The following LAMA2 variants were observed in gnomAD, a reference collection of about 807,000 sequenced individuals.
LAMA2 encodes the protein laminin subunit alpha-2.
A neutral mutation model predicts 364.8 loss-of-function variants in LAMA2; 269 were observed. That is an observed-to-expected ratio of 0.74 (90% CI 0.67 to 0.82). LAMA2 has a LOEUF of 0.82. Among genes scored for constraint, LAMA2 ranks in the 40% least tolerant of loss-of-function variants. The pLI, the probability that LAMA2 is intolerant of heterozygous loss-of-function variation, is 0.00. For synonymous variants in LAMA2, 1,379 were observed against 1,370.6 expected (o/e 1.01, Z -0.14); for missense variants, 3,807 against 3,873.2 (o/e 0.98, Z 0.45).
intron 1 of LAMA2, among the ~76,000 whole-genome samples, chr6:128,990,721 A>G (rs1053784506): frequency 6.6e-6 from 1 of 152,096 alleles, no homozygotes; most frequent in Non-Finnish European, 1.5e-5. Context: ...TTTATTGTTT[A>G]TTAAAAAGCT....
chr6:129,260,588 C>A (rs1562389091), intron 14 of LAMA2, 123 bp from the exon 15 acceptor site: 1 of 755,006 alleles, frequency 1.3e-6, no homozygotes, highest in Non-Finnish European at 2.4e-6. Flanking sequence ...TGGTATTCAT[C>A]AGCTTCCTTT....
chr6:129,394,005 T>C (rs527968930), intron 37 of LAMA2, among the ~76,000 whole-genome samples: 1 of 152,358 alleles, frequency 6.6e-6, no homozygotes, highest in East Asian at 1.9e-4. Flanking sequence ...TTTTAAGAGT[T>C]CTGATGGAAC....
chr6:129,290,253 G>C (rs1789601516), intron 19 of LAMA2, among the ~76,000 whole-genome samples: 1 of 152,040 alleles, frequency 6.6e-6, no homozygotes, highest in Admixed American at 6.6e-5. Context: ...ATATGCATAA[G>C]AAACTTTCAT....
At position 129,456,413 on chromosome 6, in the gene LAMA2, G is replaced by A. The variant is rs398123382; in HGVS notation, c.6786G>A (p.Ser2262=). The stretch of plus-strand genomic sequence containing the variant: ...GCATTGTGCCCAGCACACACCATTC[G>A]ACGTCTCCTCCAGGGTACACGATTC... The part of the protein sequence containing the change: ...KASIVPSTHH[S]TSPPGYTILD... Residue 2262 remains serine, a synonymous_variant, in exon 48 of 65, where the codon TCG becomes TCA. Transcript: ENST00000421865. 32 of 1,613,342 alleles carry A rather than the reference G, an allele frequency of 2.0e-5. No individual in the cohort carries two copies. Among genetic ancestry groups the A allele is most frequent in the Non-Finnish European group, 2.1e-5 (25 of 1,179,540 alleles).
intron 12 of LAMA2, among the ~76,000 whole-genome samples, chr6:129,210,894 T>G (rs962694949): frequency 1.3e-5 from 2 of 152,038 alleles, no homozygotes; most frequent in African/African-American, 4.8e-5. Flanking sequence ...TTCATTTTAG[T>G]TCAAGCAGAA....
intron 55 of LAMA2, 73 bp from the exon 56 acceptor site, chr6:129,486,401 T>C: frequency 1.4e-6 from 2 of 1,464,678 alleles, no homozygotes; most frequent in Non-Finnish European, 1.9e-6. Flanking sequence ...CCTGTGGTTC[T>C]GCCAGGGAAT....
Position 129,464,293 on chromosome 6 carries a change from T to A in LAMA2, c.6996T>A (p.Pro2332=), listed in dbSNP as rs765257252. 3 of 1,611,374 alleles carry A rather than the reference T, an allele frequency of 1.9e-6. No individual in the cohort carries two copies. Among genetic ancestry groups the A allele is most frequent in the Non-Finnish European group, 2.5e-6 (3 of 1,178,054 alleles). The change falls in exon 50 of 65, where the codon CCT becomes CCA. Residue 2332 remains proline (P), a synonymous_variant. Transcript: ENST00000421865. ...EGDCKGCTVS[P]QVEDSEGTIQ... ...TGTGAAATGTCTCTCTTCTCAGTCC[T>A]CAGGTGGAAGATAGTGAGGGGACTA...
chr6:129,110,241 G>A (rs1434124971), intron 4 of LAMA2, among the ~76,000 whole-genome samples: 1 of 151,938 alleles, frequency 6.6e-6, no homozygotes, highest in Non-Finnish European at 1.5e-5. Flanking sequence ...AAACTGTGAA[G>A]CAGGAACAAT....
intron 3 of LAMA2, among the ~76,000 whole-genome samples, chr6:129,081,382 TA>T (rs1482149623): frequency 6.6e-6 from 1 of 152,174 alleles, no homozygotes; most frequent in Non-Finnish European, 1.5e-5. Flanking sequence ...TCCTATAACT[TA>T]AAGCATAATA....
At chr6:129,337,647 T>TCACC (rs1193990707) in intron 29 of LAMA2, among the ~76,000 whole-genome samples, 1 of 152,132 alleles carries the variant, frequency 6.6e-6, no homozygotes, top group Non-Finnish European at 1.5e-5. Flanking sequence ...AAGTAATTTC[T>TCACC]CACCTTAGGC....
At chr6:129,149,467 GCCCTAA>G (rs1383200812) in intron 7 of LAMA2, among the ~76,000 whole-genome samples, 1 of 152,060 alleles carries the variant, frequency 6.6e-6, no homozygotes, top group Non-Finnish European at 1.5e-5. Flanking sequence ...CAGTAAATCA[GCCCTAA>G]CCACATTTTT....
At chr6:129,038,852 C>T (rs1463575847) in intron 1 of LAMA2, among the ~76,000 whole-genome samples, 1 of 152,186 alleles carries the variant, frequency 6.6e-6, no homozygotes, top group Non-Finnish European at 1.5e-5. Context: ...GTTGGACAGC[C>T]AAGAAATGAT....
Position 129,492,489 on chromosome 6 carries a change from T to C in LAMA2, c.8244+6T>C. 6.2e-7 allele frequency: 1 copy of C among 1,612,306 alleles called. No individual in the cohort carries two copies. Among genetic ancestry groups the C allele is most frequent in the Non-Finnish European group, 8.5e-7 (1 of 1,178,402 alleles). ...CCACCCCAGTTCTGACACATGTAAGTGTTTATATTATCCCCATTGCTTTCT... is the reference window on the plus strand; with the variant it reads ...CCACCCCAGTTCTGACACATGTAAGCGTTTATATTATCCCCATTGCTTTCT... On this transcript the variant is annotated splice_donor_region_variant and intron_variant, in intron 58 of 64. Transcript: ENST00000421865.
chr6:129,375,523 A>G (rs1012888903), intron 34 of LAMA2, among the ~76,000 whole-genome samples: 4 of 152,200 alleles, frequency 2.6e-5, no homozygotes, highest in African/African-American at 9.6e-5. Flanking sequence ...CTGGATACTT[A>G]TTAATTTTAC....
At chr6:128,996,167 G>A (rs377720495) in intron 1 of LAMA2, among the ~76,000 whole-genome samples, 2 of 152,282 alleles carry the variant, frequency 1.3e-5, no homozygotes, top group East Asian at 3.9e-4. Flanking sequence ...TAGATAAAAT[G>A]GCGAGTGAAT....
chr6:129,103,858 G>A (rs1193071280), intron 4 of LAMA2, among the ~76,000 whole-genome samples: 1 of 151,864 alleles, frequency 6.6e-6, no homozygotes, highest in Admixed American at 6.6e-5. Flanking sequence ...GATTTTTAAC[G>A]TGGACAGCAG....
chr6:129,170,434 C>G (rs1469847405), intron 9 of LAMA2, among the ~76,000 whole-genome samples: 1 of 129,720 alleles, frequency 7.7e-6, no homozygotes, highest in Non-Finnish European at 1.5e-5. Flanking sequence ...AGTAGTCATT[C>G]AGGAGCAGGT....
chr6:128,918,223 T>C (rs1411789735), intron 1 of LAMA2, among the ~76,000 whole-genome samples: 1 of 152,198 alleles, frequency 6.6e-6, no homozygotes, highest in Non-Finnish European at 1.5e-5. Flanking sequence ...AAAACACTGG[T>C]AACATTACTT....
chr6:129,446,176 C>CA (rs550502537), intron 45 of LAMA2, among the ~76,000 whole-genome samples: 52 of 144,036 alleles, frequency 3.6e-4, no homozygotes, highest in African/African-American at 7.4e-4. Flanking sequence ...AAAAACAAAC[C>CA]AAAAAAAAAG....
Sources: allele counts gnomAD v4.1 joint callset (sites outside exome capture counted in the v4.1 genomes callset), GRCh38; gene constraint gnomAD v4.1.1; transcripts MANE v1.5; gene names NCBI Gene and HGNC (gene_info 2026-07-23, HGNC 2026-07-21).